The following LRTM3 variants were observed in gnomAD, a reference collection of about 807,000 sequenced individuals.
LRTM3 encodes leucine-rich repeat transmembrane protein 3.
the LRTM3 span, chr13:102,731,900 T>C: frequency 1.9e-6 from 3 of 1,549,330 alleles, no homozygotes; most frequent in Admixed American, 2.0e-5. Flanking sequence ...CTTTTCTTCC[T>C]GCTCGATGAT....
the LRTM3 span, chr13:102,758,935 T>A: frequency 2.1e-6 from 3 of 1,458,450 alleles, no homozygotes; most frequent in Non-Finnish European, 2.8e-6. Context: ...TTTGACATTT[T>A]AATGTCATAT....
At chr13:102,746,178 G>A in the LRTM3 span, 3 of 1,551,066 alleles carry the variant, frequency 1.9e-6, no homozygotes, top group Admixed American at 3.9e-5. Context: ...TTAATATGTA[G>A]CTCCAGTGTT....
chr13:102,737,921 T>G, the LRTM3 span: 1 of 1,550,944 alleles, frequency 6.4e-7, no homozygotes, highest in Non-Finnish European at 8.7e-7. Context: ...TTCATTCTTG[T>G]CTCCATCCAT....
the LRTM3 span, chr13:102,745,958 T>C: frequency 6.4e-7 from 1 of 1,551,212 alleles, no homozygotes; most frequent in African/African-American, 1.4e-5. Flanking sequence ...AAGCTCATTA[T>C]CCTTCTGATA....
the LRTM3 span, chr13:102,749,822 GA>G: frequency 6.4e-7 from 1 of 1,551,368 alleles, no homozygotes; most frequent in Non-Finnish European, 8.7e-7. Flanking sequence ...TGCTTGGACA[GA>G]AATAACCATT....
the LRTM3 span, chr13:102,743,805 T>C: frequency 6.4e-7 from 1 of 1,550,474 alleles, no homozygotes; most frequent in Non-Finnish European, 8.7e-7. Context: ...TCCTTCATAG[T>C]TAAACATTTG....
chr13:102,737,012 CT>C, the LRTM3 span: 3 of 1,551,030 alleles, frequency 1.9e-6, no homozygotes, highest in Non-Finnish European at 1.7e-6. Flanking sequence ...ATCCAGTTCA[CT>C]TTTTCTTTCC....
the LRTM3 span, chr13:102,730,905 G>A: frequency 1.7e-5 from 27 of 1,551,148 alleles, 1 homozygote; most frequent in African/African-American, 1.9e-4. Context: ...CTGTTTTGTC[G>A]TTTTGGTCCT....
the LRTM3 span, chr13:102,739,864 A>G: frequency 1.9e-6 from 3 of 1,550,170 alleles, no homozygotes; most frequent in South Asian, 3.6e-5. Flanking sequence ...TATGTTTCAC[A>G]TTGACCATTT....
At chr13:102,733,499 A>C in the LRTM3 span, 1 of 1,551,346 alleles carries the variant, frequency 6.4e-7, no homozygotes, top group South Asian at 1.2e-5. Flanking sequence ...TTTCCTTATC[A>C]GTGAAACTGA....
the LRTM3 span, chr13:102,743,347 A>C: frequency 6.4e-7 from 1 of 1,550,482 alleles, no homozygotes; most frequent in Non-Finnish European, 8.7e-7. Context: ...TGTCAGAGGA[A>C]TCTGGAGTGA....
At chr13:102,747,004 T>C in the LRTM3 span, 1 of 1,551,262 alleles carries the variant, frequency 6.4e-7, no homozygotes, top group Non-Finnish European at 8.7e-7. Context: ...CTTTCTCTGT[T>C]TTAATCTCCT....
At chr13:102,740,903 G>C in the LRTM3 span, 2 of 1,549,962 alleles carry the variant, frequency 1.3e-6, no homozygotes, top group Non-Finnish European at 1.7e-6. Context: ...TGCTGGAAAA[G>C]CCTCGTGTGT....
At chr13:102,734,522 C>A in the LRTM3 span, 1 of 1,551,252 alleles carries the variant, frequency 6.4e-7, no homozygotes, top group Non-Finnish European at 8.7e-7. Context: ...CATACAGGAA[C>A]GAGGTGACTT....
chr13:102,733,568 C>T, the LRTM3 span: 1 of 1,551,196 alleles, frequency 6.4e-7, no homozygotes, highest in Non-Finnish European at 8.7e-7. Context: ...TTCTTCCAGA[C>T]CTCCCATTTT....
At chr13:102,736,418 C>CT in the LRTM3 span, 32 of 1,551,018 alleles carry the variant, frequency 2.1e-5, no homozygotes, top group Non-Finnish European at 2.6e-5. Flanking sequence ...TGTTTGTACT[C>CT]TGTCTTCTTT....
the LRTM3 span, chr13:102,739,553 C>T: frequency 6.5e-7 from 1 of 1,550,232 alleles, no homozygotes; most frequent in South Asian, 1.2e-5. Flanking sequence ...ACTTGATTTA[C>T]CTTTACCTTC....
At chr13:102,731,399 G>A in the LRTM3 span, 1 of 1,551,360 alleles carries the variant, frequency 6.4e-7, no homozygotes, top group East Asian at 2.4e-5. Flanking sequence ...TGCCATCTCT[G>A]GTATCAGATT....
At chr13:102,752,072 C>A in the LRTM3 span, among the ~76,000 whole-genome samples, 2 of 152,110 alleles carry the variant, frequency 1.3e-5, no homozygotes, top group Non-Finnish European at 2.9e-5. Context: ...ACAAAGCAAC[C>A]AGCCAGCATT....
Sources: allele counts gnomAD v4.1 joint callset (sites outside exome capture counted in the v4.1 genomes callset), GRCh38; gene constraint gnomAD v4.1.1; transcripts MANE v1.5; gene names NCBI Gene and HGNC (gene_info 2026-07-23, HGNC 2026-07-21).